Variants in UNC5D observed in about 807,000 individuals in gnomAD.
UNC5D encodes unc-5 netrin receptor D.
UNC5D carries 39 observed loss-of-function variants against 105.4 expected under a neutral mutation model. That is an observed-to-expected ratio of 0.37 (90% CI 0.29 to 0.48). UNC5D has a LOEUF of 0.48. UNC5D is among the 20% of genes least tolerant of loss of function. The pLI, the probability that UNC5D is intolerant of heterozygous loss-of-function variation, is 0.98. For missense variants in UNC5D, 991 were observed against 1,202.4 expected (o/e 0.82, Z 2.60); for synonymous variants, 452 against 450.4 (o/e 1.00, Z -0.04).
intron 1 of UNC5D, among the ~76,000 whole-genome samples, chr8:35,288,615 G>A (rs1270339431): frequency 6.6e-6 from 1 of 152,104 alleles, no homozygotes; most frequent in Non-Finnish European, 1.5e-5. Context: ...CCTACTAGGA[G>A]GGTTAACACA....
intron 2 of UNC5D, among the ~76,000 whole-genome samples, chr8:35,551,865 G>A (rs1816174893): frequency 6.6e-6 from 1 of 151,928 alleles, no homozygotes; most frequent in Non-Finnish European, 1.5e-5. Flanking sequence ...AAGTTACCAG[G>A]GGATGCTGTG....
intron 1 of UNC5D, among the ~76,000 whole-genome samples, chr8:35,499,815 T>C (rs911828044): frequency 2.6e-5 from 4 of 152,216 alleles, no homozygotes; most frequent in African/African-American, 9.6e-5. Flanking sequence ...CTATTGCTCA[T>C]TAGTTGGAGC....
At chr8:35,425,719 GCT>G (rs1806205221) in intron 1 of UNC5D, among the ~76,000 whole-genome samples, 1 of 152,104 alleles carries the variant, frequency 6.6e-6, no homozygotes, top group Admixed American at 6.6e-5. Flanking sequence ...GTTCTACCCT[GCT>G]CTGCCCTTCA....
At position 35,490,517 on chromosome 8, in the gene UNC5D, C is replaced by T. The variant is rs543985192; in HGVS notation, c.104-58775C>T. ...CCAGCCTGGGTGACAGAGCAAGACC[C>T]TATCTCTTATAAAAAAAAAAATTAA... On this transcript the variant is annotated intron_variant, in intron 1 of 16. Transcript: ENST00000404895. 3.9e-5 allele frequency among the ~76,000 whole-genome samples: 6 copies of T among 151,982 alleles called. No individual in the cohort carries two copies. The East Asian group carries it at 1.2e-3, about 29-fold the overall frequency.
chr8:35,439,517 T>C (rs1807255913), intron 1 of UNC5D, among the ~76,000 whole-genome samples: 1 of 152,036 alleles, frequency 6.6e-6, no homozygotes, highest in Non-Finnish European at 1.5e-5. Flanking sequence ...CAGTGTCTGA[T>C]TAAGAACACC....
chr8:35,346,227 C>A (rs930157393), intron 1 of UNC5D, among the ~76,000 whole-genome samples: 1 of 151,864 alleles, frequency 6.6e-6, no homozygotes, highest in Non-Finnish European at 1.5e-5. Flanking sequence ...TGGAAACAAT[C>A]GATTTTCTTT....
intron 1 of UNC5D, among the ~76,000 whole-genome samples, chr8:35,345,715 A>T (rs987893285): frequency 2.0e-5 from 3 of 152,024 alleles, no homozygotes; most frequent in Non-Finnish European, 4.4e-5. Flanking sequence ...AGAGGATATG[A>T]AACACATATT....
intron 1 of UNC5D, among the ~76,000 whole-genome samples, chr8:35,495,273 A>T (rs1233365633): frequency 6.6e-6 from 1 of 152,044 alleles, no homozygotes; most frequent in Non-Finnish European, 1.5e-5. Context: ...TTTTCTAGCA[A>T]AATTTTGGAG....
chr8:35,624,005 G>A (rs1449645316), intron 4 of UNC5D, among the ~76,000 whole-genome samples: 8 of 152,234 alleles, frequency 5.3e-5, no homozygotes, highest in African/African-American at 1.4e-4. Context: ...GCGTGAACCC[G>A]GGAGGCGGAG....
intron 2 of UNC5D, among the ~76,000 whole-genome samples, chr8:35,560,804 T>G (rs963247302): frequency 1.3e-5 from 2 of 152,166 alleles, no homozygotes; most frequent in African/African-American, 4.8e-5. Context: ...AGCAGTTGTT[T>G]TATATGCACT....
intron 1 of UNC5D, among the ~76,000 whole-genome samples, chr8:35,450,440 A>G (rs755252522): frequency 6.6e-6 from 1 of 152,142 alleles, no homozygotes; most frequent in Non-Finnish European, 1.5e-5. Context: ...ATATCTATTT[A>G]TAATATCAAG....
At chr8:35,251,112 G>GCCT (rs896728454) in intron 1 of UNC5D, among the ~76,000 whole-genome samples, 8 of 152,008 alleles carry the variant, frequency 5.3e-5, no homozygotes, top group African/African-American at 1.7e-4. Context: ...TCCCTATTAG[G>GCCT]CCTTATCTTT....
At chr8:35,756,871 T>C (rs1248050309) in intron 13 of UNC5D, among the ~76,000 whole-genome samples, 2 of 152,190 alleles carry the variant, frequency 1.3e-5, no homozygotes, top group Non-Finnish European at 2.9e-5. Flanking sequence ...GTCGACTACT[T>C]CATGTCCATT....
intron 4 of UNC5D, among the ~76,000 whole-genome samples, chr8:35,603,913 C>T (rs560045574): frequency 0.013 from 1,959 of 152,138 alleles, 40 homozygotes; most frequent in African/African-American, 0.044. Context: ...TTCCTCCATC[C>T]CTTTATTTTG....
chr8:35,427,375 C>A (rs1806323653), intron 1 of UNC5D, among the ~76,000 whole-genome samples: 1 of 152,230 alleles, frequency 6.6e-6, no homozygotes, highest in Admixed American at 6.5e-5. Context: ...TGGGTGGCAT[C>A]TTGCTAGATG....
chr8:35,496,575 G>A (rs1295354929), intron 1 of UNC5D, among the ~76,000 whole-genome samples: 7 of 152,144 alleles, frequency 4.6e-5, no homozygotes, highest in Non-Finnish European at 8.8e-5. Context: ...GGTTAGGAGA[G>A]AAGGAAGGGA....
intron 1 of UNC5D, among the ~76,000 whole-genome samples, chr8:35,467,328 C>T (rs1292052251): frequency 1.3e-5 from 2 of 152,068 alleles, no homozygotes; most frequent in Non-Finnish European, 2.9e-5. Flanking sequence ...TGGAACTGTG[C>T]TCTGGGAAGA....
intron 4 of UNC5D, among the ~76,000 whole-genome samples, chr8:35,611,671 A>G (rs2130983306): frequency 6.6e-6 from 1 of 152,334 alleles, no homozygotes; most frequent in Admixed American, 6.5e-5. Context: ...TGGATGTATT[A>G]GAACATATTT....
intron 1 of UNC5D, among the ~76,000 whole-genome samples, chr8:35,453,183 G>A (rs1335249355): frequency 6.6e-6 from 1 of 152,076 alleles, no homozygotes; most frequent in Non-Finnish European, 1.5e-5. Flanking sequence ...TTTCATATTT[G>A]AATTTCTGTT....
Sources: gnomAD v4.1 joint callset for allele counts (sites outside exome capture counted in the v4.1 genomes callset) on GRCh38, gnomAD v4.1.1 for gene constraint, MANE v1.5 for transcripts, NCBI Gene and HGNC (gene_info 2026-07-23, HGNC 2026-07-21) for gene names.